Variants in MON2 observed in about 807,000 individuals in gnomAD.
MON2 encodes the protein protein MON2 homolog.
MON2 carries 84 observed loss-of-function variants against 208.6 expected under a neutral mutation model. The observed-to-expected ratio is 0.40, with a 90% CI of 0.34 to 0.48. The LOEUF (loss-of-function observed/expected upper bound fraction) is 0.48, where lower values mean the gene tolerates loss of function less well. MON2 is among the 20% of genes least tolerant of loss of function. MON2 has a pLI of 0.59. For missense variants in MON2, 1,611 were observed against 2,015.4 expected (o/e 0.80, Z 3.84); for synonymous variants, 660 against 694.0 (o/e 0.95, Z 0.77).
chr12:62,525,701 G>C (rs1018798842), intron 10 of MON2, among the ~76,000 whole-genome samples: 1 of 152,138 alleles, frequency 6.6e-6, no homozygotes, highest in Non-Finnish European at 1.5e-5. Flanking sequence ...CTAATGAAAG[G>C]CTAAACATTT....
At chr12:62,514,965 CAACAG>C (rs2071614301) in intron 8 of MON2, among the ~76,000 whole-genome samples, 1 of 152,270 alleles carries the variant, frequency 6.6e-6, no homozygotes, top group East Asian at 1.9e-4. Context: ...GTTAAAAACA[CAACAG>C]AACACCAGAA....
At chr12:62,524,106 T>C (rs568476088) in intron 8 of MON2, among the ~76,000 whole-genome samples, 1 of 152,274 alleles carries the variant, frequency 6.6e-6, no homozygotes, top group African/African-American at 2.4e-5. Flanking sequence ...CTTGCCTCTT[T>C]GTTTCTTTAG....
At chr12:62,543,049 C>T (rs775508494) in intron 19 of MON2, 48 bp from the exon 20 acceptor site, 5 of 1,023,290 alleles carry the variant, frequency 4.9e-6, no homozygotes, top group Non-Finnish European at 5.8e-6. Context: ...AGTCTAATTA[C>T]TCAGAATTCT....
rs1174862686 is a variant in MON2 at position 62,475,337 on chromosome 12, A to G, written c.111+8019A>G. On this transcript the variant is annotated intron_variant, in intron 1 of 34. Transcript: ENST00000393630. ...CTGCAACCCCCACCTCCCAGGTTCA[A>G]GTGATTCTCATGCCTCAGCCTCCAA... 4.6e-5 allele frequency among the ~76,000 whole-genome samples: 7 copies of G among 151,996 alleles called. No homozygotes were observed. The East Asian group carries it at 1.2e-3, about 25-fold the overall frequency.
At chr12:62,485,533 T>C (rs993189185) in intron 2 of MON2, among the ~76,000 whole-genome samples, 1 of 152,222 alleles carries the variant, frequency 6.6e-6, no homozygotes, top group Non-Finnish European at 1.5e-5. Context: ...CACAGCTTTT[T>C]CCCTGATTTT....
At chr12:62,470,063 C>G (rs899701965) in intron 1 of MON2, among the ~76,000 whole-genome samples, 3 of 151,908 alleles carry the variant, frequency 2.0e-5, no homozygotes, top group Non-Finnish European at 4.4e-5. Flanking sequence ...TGCCACCACA[C>G]GCAGCTGATT....
Position 62,588,861 on chromosome 12 carries a change from A to G in MON2, c.4990+705A>G, listed in dbSNP as rs138712991. On this transcript the variant is annotated intron_variant, in intron 34 of 34. Coordinates refer to ENST00000393630, the MANE Select transcript of MON2 (RefSeq NM_015026.3). ...TTGTTTATTTCATTATCCAGCTTGT[A>G]TCAGCCTATTTGGAATACCACCCTA... 1.7e-4 allele frequency: 248 copies of G among 1,472,466 alleles called. 1 individual carries two copies. In the African/African-American group the frequency reaches 3.2e-3, roughly 19 times the overall value. 91.2% of individuals were successfully genotyped at this position (1,472,466 alleles called of 1,614,324 possible). A position where few individuals can be genotyped will look rare whatever the true frequency, so the allele number is the denominator to read the frequency against.
At chr12:62,508,606 G>A (rs1373588047) in intron 8 of MON2, 126 bp downstream of exon 8, 9 of 724,816 alleles carry the variant, frequency 1.2e-5, no homozygotes, top group South Asian at 3.3e-5. Context: ...GAGTACCTAC[G>A]TGTAGTCTAG....
Position 62,537,568 on chromosome 12 carries a change from C to T in MON2, c.2014-34C>T, listed in dbSNP as rs751105650. 4 of 1,452,746 alleles carry T rather than the reference C, an allele frequency of 2.8e-6. No homozygotes were observed. The South Asian group carries it at 3.7e-5, about 13-fold the overall frequency. The allele number at this position is 1,452,746 out of a possible 1,614,324, so 90.0% of individuals were successfully genotyped here. On this transcript the variant is annotated intron_variant, in intron 15 of 34. Transcript: ENST00000393630. ...GCTTTTAATTTTTAAGAATACATAACAATTATTGAAAATGTATCCTTTTTA... is the reference window on the plus strand; with the variant it reads ...GCTTTTAATTTTTAAGAATACATAATAATTATTGAAAATGTATCCTTTTTA...
At chr12:62,508,549 G>C in intron 8 of MON2, 69 bp downstream of exon 8, 1 of 1,408,094 alleles carries the variant, frequency 7.1e-7, no homozygotes, top group Non-Finnish European at 1.0e-6. Flanking sequence ...AAAGTGGTCT[G>C]TTGTAGCGCA....
chr12:62,476,168 A>G (rs1398338401), intron 1 of MON2, among the ~76,000 whole-genome samples: 1 of 152,164 alleles, frequency 6.6e-6, no homozygotes, highest in Non-Finnish European at 1.5e-5. Flanking sequence ...AATGTCATAT[A>G]GGTATATATT....
chr12:62,551,906 C>T (rs964172154), intron 23 of MON2, among the ~76,000 whole-genome samples: 6 of 152,176 alleles, frequency 3.9e-5, no homozygotes, highest in African/African-American at 4.8e-5. Flanking sequence ...TCTCTTCCTA[C>T]GTTCAGCTCT....
chr12:62,508,369 A>G lies in MON2; in HGVS notation c.873A>G (p.Gln291=). 6.2e-7 allele frequency: 1 copy of G among 1,614,008 alleles called. No homozygotes were observed. The highest frequency in any genetic ancestry group is 8.5e-7 in the Non-Finnish European group (1 of 1,179,896). The change falls in exon 8 of 35, where the codon CAA becomes CAG. Residue 291 remains glutamine (Q), a synonymous_variant. Coordinates refer to ENST00000393630, the MANE Select transcript of MON2 (RefSeq NM_015026.3). ...TTTCTCCAAATATAAAGTTCAGACA[A>G]GGTTCCAGCACCTCATCTTCTCCAG... ...KLFSPNIKFR[Q]GSSTSSSPAP... is the part of the protein sequence containing the mutation.
At chr12:62,585,106 CACACAA>C (rs1378872925) in intron 32 of MON2, among the ~76,000 whole-genome samples, 182 bp from the exon 33 acceptor site, 1 of 36,314 alleles carries the variant, frequency 2.8e-5, no homozygotes, top group Admixed American at 2.3e-4. Flanking sequence ...CACACACACA[CACACAA>C]AACAAAAAAA....
intron 4 of MON2, among the ~76,000 whole-genome samples, chr12:62,497,797 G>A (rs906994705): frequency 1.1e-4 from 16 of 152,100 alleles, no homozygotes; most frequent in Non-Finnish European, 2.9e-5. Context: ...TGTATTTTTA[G>A]TAGAGACAGG....
chr12:62,549,730 C>A lies in MON2; in HGVS notation c.2816C>A (p.Thr939Lys). The change falls in exon 23 of 35, where the codon ACA becomes AAA. Residue 939 changes from threonine to lysine, a missense_variant. Thr to Lys is a moderately conservative substitution (Grantham distance 78). Coordinates refer to ENST00000393630, the MANE Select transcript of MON2 (RefSeq NM_015026.3). ...LQLVVTDFLPTMPCTCLQIVV... is the reference protein window; with the variant it reads ...LQLVVTDFLPKMPCTCLQIVV... ...TTGGTTGTGACAGATTTTCTACCAA[C>A]AATGCCTTGTACTTGCCTGCAAATA... The A allele has an allele frequency of 6.2e-7, 1 of 1,612,920 alleles. No homozygotes were observed. Among genetic ancestry groups the A allele is most frequent in the Non-Finnish European group, 8.5e-7 (1 of 1,179,552 alleles).
chr12:62,504,053 G>A (rs965413343), intron 7 of MON2, among the ~76,000 whole-genome samples: 3 of 151,914 alleles, frequency 2.0e-5, no homozygotes, highest in African/African-American at 7.3e-5. Context: ...ACTCTATGAG[G>A]CAGGGATTTA....
chr12:62,474,119 C>CTTT (rs778065734), intron 1 of MON2, among the ~76,000 whole-genome samples: 1 of 141,840 alleles, frequency 7.1e-6, no homozygotes, highest in South Asian at 2.2e-4. Flanking sequence ...CTTTTCTTTT[C>CTTT]TTTTTTTTTT....
At position 62,537,105 on chromosome 12, in the gene MON2, A is replaced by G. The variant is rs748310059; in HGVS notation, c.1901-46A>G. The G allele has an allele frequency of 4.4e-5, 50 of 1,144,816 alleles. 1 individual carries two copies. Among genetic ancestry groups the G allele is most frequent in the Middle Eastern group, 2.1e-4 (1 of 4,770 alleles). The allele number at this position is 1,144,816 out of a possible 1,614,324, so 70.9% of individuals were successfully genotyped here. ...TAAATATAACATTACTTTAAATGCA[A>G]TATAAAAATATATTTTAATTATTTA... On this transcript the variant is annotated intron_variant, in intron 14 of 34. Transcript: ENST00000393630.
Sources: gnomAD v4.1 joint callset for allele counts (sites outside exome capture counted in the v4.1 genomes callset) on GRCh38, gnomAD v4.1.1 for gene constraint, MANE v1.5 for transcripts, NCBI Gene and HGNC (gene_info 2026-07-23, HGNC 2026-07-21) for gene names.